Variants in OBI1 observed in about 807,000 individuals in gnomAD.
The protein encoded by OBI1 is ORC ubiquitin ligase 1, also known as ring finger protein 219.
Under a neutral mutation model 62.4 loss-of-function variants are expected in OBI1, and 59 were observed. The ratio of observed to expected loss-of-function variants is 0.95; its 90% CI spans 0.77 to 1.17. The LOEUF (loss-of-function observed/expected upper bound fraction) is 1.17. Ranked by LOEUF, OBI1 falls within the 50% of genes most tolerant of loss-of-function variation. OBI1 has a pLI of 0.00. For synonymous variants in OBI1, 302 were observed against 292.8 expected, an observed-to-expected ratio of 1.03 and a Z score of -0.32; for missense variants, 875 against 830.9, an observed-to-expected ratio of 1.05 and a Z score of -0.65.
At position 78,659,053 on chromosome 13, in the gene OBI1, C is replaced by CCCAAGCAA. The variant is rs757434987; in HGVS notation, c.60_67dup (p.Gly23ValfsTer27). The stretch of plus-strand genomic sequence containing the variant: ...GTGCCCACAATCACCCATTACCTTC[C>CCCAAGCAA]CCAAGCAAATGTGGCACGTGATGGG... On this transcript the variant is annotated frameshift_variant, in exon 1 of 6. Transcript: ENST00000282003. LOFTEE classifies it high-confidence loss of function. 1 of 1,613,006 alleles carries CCCAAGCAA rather than the reference C, an allele frequency of 6.2e-7. No homozygotes were observed. The highest frequency in any genetic ancestry group is 8.5e-7 in the Non-Finnish European group (1 of 1,179,534).
At chr13:78,648,311 C>G (rs200884209) in intron 1 of OBI1, among the ~76,000 whole-genome samples, 1 of 143,988 alleles carries the variant, frequency 6.9e-6, no homozygotes, top group South Asian at 2.2e-4. Context: ...CACACACACA[C>G]AGACACACAC....
intron 5 of OBI1, among the ~76,000 whole-genome samples, chr13:78,628,685 T>G (rs969571992): frequency 6.6e-6 from 1 of 152,152 alleles, no homozygotes; most frequent in African/African-American, 2.4e-5. Context: ...TTAAATAATT[T>G]TATATGTACT....
intron 1 of OBI1, among the ~76,000 whole-genome samples, chr13:78,655,647 C>G (rs1392527948): frequency 6.6e-6 from 1 of 152,192 alleles, no homozygotes; most frequent in Non-Finnish European, 1.5e-5. Context: ...CATCTCTCCC[C>G]CTTCATGGTA....
At chr13:78,628,527 T>C (rs1158397373) in intron 5 of OBI1, among the ~76,000 whole-genome samples, 1 of 152,206 alleles carries the variant, frequency 6.6e-6, no homozygotes, top group African/African-American at 2.4e-5. Context: ...AAACACAGCA[T>C]GTTTTAGAAA....
chr13:78,655,004 G>C (rs999561077), intron 1 of OBI1, among the ~76,000 whole-genome samples: 7 of 152,076 alleles, frequency 4.6e-5, no homozygotes, highest in African/African-American at 1.7e-4. Context: ...ACTCATAGTC[G>C]AATGAGAAAT....
Position 78,615,303 on chromosome 13 carries a change from A to C in OBI1, c.*277T>G. On this transcript the variant is annotated 3_prime_UTR_variant, in exon 6 of 6. Coordinates refer to ENST00000282003, the MANE Select transcript of OBI1 (RefSeq NM_024546.4). Reference sequence around the variant, plus strand: ...ATTCAGTAAAAAAACAAAACCAAAAACAAAACCAACCAACCAACCAACCCC... The same window carrying C: ...ATTCAGTAAAAAAACAAAACCAAAACCAAAACCAACCAACCAACCAACCCC... 3.5e-6 allele frequency: 1 copy of C among 285,476 alleles called. No homozygotes were observed. Among genetic ancestry groups the C allele is most frequent in the Non-Finnish European group, 6.5e-6 (1 of 154,624 alleles). 17.7% of individuals were successfully genotyped at this position (285,476 alleles called of 1,614,324 possible).
chr13:78,628,759 GGAA>G (rs1298330182), intron 5 of OBI1, among the ~76,000 whole-genome samples: 1 of 152,016 alleles, frequency 6.6e-6, no homozygotes, highest in Non-Finnish European at 1.5e-5. Context: ...CGGACAAAAT[GGAA>G]GAAGGGAAAT....
In OBI1 at chr13:78,614,427, T is replaced by A. The variant is rs1875171773; in HGVS notation, c.*1153A>T. ...CCATTTTTAAAGACCTATATAGGCA[T>A]ACCAAATACGTTTAGAACAATACAC... On this transcript the variant is annotated 3_prime_UTR_variant, in exon 6 of 6. Transcript: ENST00000282003. The A allele has an allele frequency of 6.6e-6, 1 of 152,620 alleles. No homozygotes were observed. The highest frequency in any genetic ancestry group is 6.5e-5 in the Admixed American group (1 of 15,286). The allele number at this position is 152,620 out of a possible 1,614,324, so 9.5% of individuals were successfully genotyped here. A position where few individuals can be genotyped will look rare whatever the true frequency, so the allele number is the denominator to read the frequency against.
At position 78,614,787 on chromosome 13, in the gene OBI1, T is replaced by A. The variant is rs1389533216; in HGVS notation, c.*793A>T. On this transcript the variant is annotated 3_prime_UTR_variant, in exon 6 of 6. Coordinates refer to ENST00000282003, the MANE Select transcript of OBI1 (RefSeq NM_024546.4). ...GGTTCCTCTAAACCCAAGTGCTCCATGCCTTCTTTCCATAGTATGCTAAAT... is the reference window on the plus strand; with the variant it reads ...GGTTCCTCTAAACCCAAGTGCTCCAAGCCTTCTTTCCATAGTATGCTAAAT... 2 of 152,228 alleles carry A rather than the reference T, an allele frequency of 1.3e-5. No homozygotes were observed. Among genetic ancestry groups the A allele is most frequent in the East Asian group, 3.8e-4 (2 of 5,206 alleles). The allele number at this position is 152,228 out of a possible 1,614,324, so 9.4% of individuals were successfully genotyped here. A position where few individuals can be genotyped will look rare whatever the true frequency, so the allele number is the denominator to read the frequency against.
At position 78,617,052 on chromosome 13, in the gene OBI1, T is replaced by C. The variant is rs1371288563; in HGVS notation, c.709A>G (p.Lys237Glu). ...EQYERETNRL[K>E]KALERSDKYI... ...TTATCACTTCGTTCCAGGGCTTTCT[T>C]GAGGCGATTGGTTTCACGCTCATAC... The change falls in exon 6 of 6, where the codon AAG becomes GAG. Residue 237 changes from lysine to glutamate, a missense_variant. By Grantham distance (56) the Lys-to-Glu change is moderately conservative. Transcript: ENST00000282003. 6.2e-7 allele frequency: 1 copy of C among 1,612,522 alleles called. No individual in the cohort carries two copies. Among genetic ancestry groups the C allele is most frequent in the South Asian group, 1.1e-5 (1 of 90,694 alleles).
intron 5 of OBI1, among the ~76,000 whole-genome samples, chr13:78,626,027 C>T (rs576708969): frequency 6.6e-6 from 1 of 152,308 alleles, no homozygotes; most frequent in Admixed American, 6.5e-5. Flanking sequence ...ATGGAACTAA[C>T]TGCACAGCTC....
At chr13:78,634,237 T>A (rs574825243) in intron 5 of OBI1, among the ~76,000 whole-genome samples, 8 of 152,092 alleles carry the variant, frequency 5.3e-5, no homozygotes, top group Non-Finnish European at 1.0e-4. Context: ...AGGCTTTTTT[T>A]TAGTGTAATG....
At chr13:78,621,153 CCTAT>C (rs780541110) in intron 5 of OBI1, among the ~76,000 whole-genome samples, 1 of 152,274 alleles carries the variant, frequency 6.6e-6, no homozygotes, top group Admixed American at 6.5e-5. Flanking sequence ...TGTGGTGTGG[CCTAT>C]CTGACAGGTT....
intron 3 of OBI1, among the ~76,000 whole-genome samples, chr13:78,641,519 T>C (rs1876215316): frequency 6.6e-6 from 1 of 152,154 alleles, no homozygotes; most frequent in African/African-American, 2.4e-5. Context: ...TTCAAAAGTG[T>C]ATGTATTCTA....
At position 78,642,221 on chromosome 13, in the gene OBI1, GAAAAA is replaced by G; in HGVS notation, c.209-13_209-9del. 2.4e-6 allele frequency: 3 copies of G among 1,236,830 alleles called. No homozygotes were observed. Among genetic ancestry groups the G allele is most frequent in the Non-Finnish European group, 3.4e-6 (3 of 894,870 alleles). 76.6% of individuals were successfully genotyped at this position (1,236,830 alleles called of 1,614,324 possible). ...CACTTTCACTTGTTCCTCCTGTAGG[GAAAAA>G]AAAAAAAATCCTAATTTTTCATTCT... On this transcript the variant is annotated splice_polypyrimidine_tract_variant and intron_variant, in intron 2 of 5. Coordinates refer to ENST00000282003, the MANE Select transcript of OBI1 (RefSeq NM_024546.4).
intron 5 of OBI1, 53 bp downstream of exon 5, chr13:78,635,057 A>C: frequency 9.6e-7 from 1 of 1,041,270 alleles, no homozygotes; most frequent in African/African-American, 1.6e-5. Flanking sequence ...ACAGCAGCCT[A>C]GTCTAAAATA....
At chr13:78,639,220 G>A (rs1475249931) in intron 3 of OBI1, 149 bp from the exon 4 acceptor site, 1 of 746,154 alleles carries the variant, frequency 1.3e-6, no homozygotes, top group Non-Finnish European at 2.0e-6. Context: ...TTTGCAGGGA[G>A]AAAGTCACAT....
Position 78,644,924 on chromosome 13 carries a change from T to A in OBI1, c.146A>T (p.Asn49Ile). Residue 49 changes from asparagine to isoleucine, a missense_variant, in exon 2 of 6, where the codon AAT becomes ATT. Coordinates refer to ENST00000282003, the MANE Select transcript of OBI1 (RefSeq NM_024546.4). ...SICIDLWLKN[N>I]SQCPACRVPI... ...GACTCTGCAAGCTGGACACTGGCTATTATTCTTCAACCACAAATCAATACA... is the reference window on the plus strand; with the variant it reads ...GACTCTGCAAGCTGGACACTGGCTAATATTCTTCAACCACAAATCAATACA... 1 of 1,614,064 alleles carries A rather than the reference T, an allele frequency of 6.2e-7. No individual in the cohort carries two copies. The highest frequency in any genetic ancestry group is 1.1e-5 in the South Asian group (1 of 91,076).
intron 1 of OBI1, among the ~76,000 whole-genome samples, chr13:78,647,281 G>A (rs565239193): frequency 2.8e-4 from 42 of 152,334 alleles, no homozygotes; most frequent in South Asian, 1.7e-3. Flanking sequence ...ATAAGAGGAA[G>A]GCCTGTCTCC....
Sources: gnomAD v4.1 joint callset for allele counts (sites outside exome capture counted in the v4.1 genomes callset) on GRCh38, gnomAD v4.1.1 for gene constraint, MANE v1.5 for transcripts, NCBI Gene and HGNC (gene_info 2026-07-23, HGNC 2026-07-21) for gene names.